Variants in MYRIP observed in about 807,000 individuals in gnomAD.
MYRIP encodes myosin VIIA and Rab interacting protein.
MYRIP carries 49 observed loss-of-function variants against 98.0 expected under a neutral mutation model. The observed-to-expected ratio is 0.50, with a 90% CI of 0.40 to 0.63. The LOEUF is 0.63. Ranked by LOEUF, MYRIP falls within the 30% of genes least tolerant of loss-of-function variation. The pLI, the probability that MYRIP is intolerant of heterozygous loss-of-function variation, is 0.00. For synonymous variants in MYRIP, 404 were observed against 409.5 expected, an observed-to-expected ratio of 0.99 and a Z score of 0.16; for missense variants, 1,004 against 1,058.2, an observed-to-expected ratio of 0.95 and a Z score of 0.71.
At chr3:40,256,875 A>G (rs1953608087) in intron 16 of MYRIP, among the ~76,000 whole-genome samples, 1 of 152,230 alleles carries the variant, frequency 6.6e-6, no homozygotes, top group Non-Finnish European at 1.5e-5. Context: ...CAATCATGAA[A>G]GCCTGCTCCG....
At chr3:40,158,971 A>G (rs1416065656) in intron 4 of MYRIP, among the ~76,000 whole-genome samples, 2 of 152,006 alleles carry the variant, frequency 1.3e-5, no homozygotes, top group Non-Finnish European at 2.9e-5. Flanking sequence ...GTGTCTTTTA[A>G]TTGGAGCATT....
At chr3:39,910,766 T>A (rs957735423) in intron 2 of MYRIP, among the ~76,000 whole-genome samples, 2 of 152,226 alleles carry the variant, frequency 1.3e-5, no homozygotes, top group Non-Finnish European at 2.9e-5. Context: ...ATGGCTCACA[T>A]TATATTTTTA....
At chr3:40,094,080 GCTGTTCAGA>G (rs1948779087) in intron 3 of MYRIP, among the ~76,000 whole-genome samples, 2 of 151,820 alleles carry the variant, frequency 1.3e-5, no homozygotes, top group South Asian at 4.2e-4. Flanking sequence ...ATTTTATTCT[GCTGTTCAGA>G]CCTCCCCTCC....
chr3:39,903,807 T>A (rs1057245915), intron 2 of MYRIP, among the ~76,000 whole-genome samples: 2 of 152,204 alleles, frequency 1.3e-5, no homozygotes, highest in African/African-American at 2.4e-5. Context: ...AGTATTTTGT[T>A]TTCCAGATTC....
chr3:40,132,353 C>T (rs1949662252), intron 3 of MYRIP, among the ~76,000 whole-genome samples: 1 of 152,154 alleles, frequency 6.6e-6, no homozygotes, highest in South Asian at 2.1e-4. Context: ...TCTTTCTTCC[C>T]CTTAACTGCA....
At chr3:40,168,546 GTA>G (rs896892190) in intron 7 of MYRIP, among the ~76,000 whole-genome samples, 7 of 152,222 alleles carry the variant, frequency 4.6e-5, no homozygotes, top group African/African-American at 1.7e-4. Flanking sequence ...AGGACTATCT[GTA>G]TATATGTTTT....
rs1030560319 is a variant in MYRIP at position 40,043,130 on chromosome 3, G to A, written c.111-920G>A. ...TGAACCATTATAAGTGGGGGACTGT[G>A]TTTTTCTATTATAATGATAGTGTGC... On this transcript the variant is annotated intron_variant, in intron 2 of 16. Coordinates refer to ENST00000302541, the MANE Select transcript of MYRIP (RefSeq NM_015460.4). Among the ~76,000 whole-genome samples, 11 of 152,250 alleles carry A rather than the reference G, an allele frequency of 7.2e-5. No homozygotes were observed. In the South Asian group the frequency reaches 2.1e-3, roughly 29 times the overall value.
chr3:40,066,069 C>T (rs1001211653), intron 3 of MYRIP, among the ~76,000 whole-genome samples: 7 of 152,072 alleles, frequency 4.6e-5, no homozygotes, highest in African/African-American at 1.7e-4. Flanking sequence ...ACCTTCTGCA[C>T]AGCCTCCTGG....
At chr3:39,874,737 G>A (rs1046560506) in intron 1 of MYRIP, among the ~76,000 whole-genome samples, 2 of 152,142 alleles carry the variant, frequency 1.3e-5, no homozygotes, top group African/African-American at 4.8e-5. Context: ...GCTGGATTCG[G>A]TTTACCAGTA....
At chr3:40,047,893 C>T (rs1947703956) in intron 3 of MYRIP, among the ~76,000 whole-genome samples, 1 of 152,082 alleles carries the variant, frequency 6.6e-6, no homozygotes, top group South Asian at 2.1e-4. Flanking sequence ...ACTGTGTAAC[C>T]CATCAACATT....
chr3:40,171,241 T>TA (rs1950606173), intron 8 of MYRIP, among the ~76,000 whole-genome samples: 1 of 151,712 alleles, frequency 6.6e-6, no homozygotes, highest in Non-Finnish European at 1.5e-5. Context: ...GTAAGGCTGG[T>TA]AAAAAAGAGG....
At chr3:39,858,552 T>C (rs1165905130) in intron 1 of MYRIP, among the ~76,000 whole-genome samples, 1 of 137,886 alleles carries the variant, frequency 7.3e-6, no homozygotes, top group Admixed American at 7.2e-5. Context: ...TTAACAGACA[T>C]ATATAGAACT....
intron 1 of MYRIP, among the ~76,000 whole-genome samples, chr3:39,875,772 A>G (rs1370444738): frequency 2.0e-5 from 3 of 151,394 alleles, no homozygotes; most frequent in Admixed American, 6.6e-5. Context: ...TATGTGGTCA[A>G]TTTTGGAATA....
In MYRIP at chr3:40,209,997, G is replaced by A. The variant is rs145325682; in HGVS notation, c.1809G>A (p.Glu603=). The stretch of plus-strand genomic sequence containing the variant: ...GTGAAAAGGAGACTTCTTCAGGGGA[G>A]GATCAGGAGTCTGAGCCCAAGACAG... ...KMSEKETSSG[E]DQESEPKTES... Residue 603 remains glutamate, a synonymous_variant, in exon 11 of 17, where the codon GAG becomes GAA. Coordinates refer to ENST00000302541, the MANE Select transcript of MYRIP (RefSeq NM_015460.4). 6.2e-7 allele frequency: 1 copy of A among 1,614,096 alleles called. No individual in the cohort carries two copies. Among genetic ancestry groups the A allele is most frequent in the African/African-American group, 1.3e-5 (1 of 75,054 alleles).
At chr3:40,113,730 C>T (rs1255711819) in intron 3 of MYRIP, among the ~76,000 whole-genome samples, 1 of 152,084 alleles carries the variant, frequency 6.6e-6, no homozygotes, top group African/African-American at 2.4e-5. Context: ...CGCTCTTTCG[C>T]CCAGGCCAGA....
chr3:40,034,203 A>G (rs941025143), intron 2 of MYRIP, among the ~76,000 whole-genome samples: 15 of 151,938 alleles, frequency 9.9e-5, no homozygotes, highest in South Asian at 4.1e-4. Context: ...AATGGCAACA[A>G]AAGCCAAAAT....
At chr3:40,216,117 G>A (rs1479306668) in intron 11 of MYRIP, among the ~76,000 whole-genome samples, 1 of 152,194 alleles carries the variant, frequency 6.6e-6, no homozygotes, top group Middle Eastern at 3.2e-3. Flanking sequence ...GGGAAAGATT[G>A]CCCAGAACTC....
intron 2 of MYRIP, among the ~76,000 whole-genome samples, chr3:40,023,815 G>A (rs1947059836): frequency 6.6e-6 from 1 of 152,116 alleles, no homozygotes; most frequent in South Asian, 2.1e-4. Flanking sequence ...AAGGAACTAA[G>A]GCAACTGTTT....
chr3:40,056,365 T>C (rs1204039681), intron 3 of MYRIP, among the ~76,000 whole-genome samples: 1 of 152,186 alleles, frequency 6.6e-6, no homozygotes, highest in African/African-American at 2.4e-5. Context: ...ACTTGCTGAT[T>C]TTAGACCTTT....
Sources: allele counts gnomAD v4.1 joint callset (sites outside exome capture counted in the v4.1 genomes callset), GRCh38; gene constraint gnomAD v4.1.1; transcripts MANE v1.5; gene names NCBI Gene and HGNC (gene_info 2026-07-23, HGNC 2026-07-21).